The following PROX1 variants were observed in gnomAD, a reference collection of about 807,000 sequenced individuals.
The protein encoded by PROX1 is prospero homeobox 1.
A neutral mutation model predicts 58.8 loss-of-function variants in PROX1; 7 were observed. The ratio of observed to expected loss-of-function variants is 0.12; its 90% confidence interval spans 0.07 to 0.22. The LOEUF (loss-of-function observed/expected upper bound fraction) is 0.22, where lower values mean the gene tolerates loss of function less well. Ranked by LOEUF, PROX1 falls within the 10% of genes least tolerant of loss-of-function variation. PROX1 has a pLI of 1.00. For missense variants in PROX1, 675 were observed against 927.8 expected, an observed-to-expected ratio of 0.73 and a Z score of 3.54; for synonymous variants, 350 against 358.3, an observed-to-expected ratio of 0.98 and a Z score of 0.26.
chr1:214,029,015 T>A (rs771854464), intron 4 of PROX1: 20 of 152,244 alleles, frequency 1.3e-4, no homozygotes, highest in Non-Finnish European at 1.8e-4. Context: ...TCTGAGTTTA[T>A]CCATTTAAGT....
intron 2 of PROX1, among the ~76,000 whole-genome samples, chr1:214,004,946 G>A (rs1018741736): frequency 1.3e-5 from 2 of 152,176 alleles, no homozygotes; most frequent in Non-Finnish European, 2.9e-5. Flanking sequence ...ACTCAATTGT[G>A]CATCCTCACC....
intron 4 of PROX1, among the ~76,000 whole-genome samples, chr1:214,032,645 A>G (rs1286558769): frequency 6.6e-6 from 1 of 152,170 alleles, no homozygotes; most frequent in Non-Finnish European, 1.5e-5. Flanking sequence ...TAAAGTATTA[A>G]GTAACTGCCA....
chr1:213,990,170 A>G (rs1662976418), intron 1 of PROX1, among the ~76,000 whole-genome samples: 1 of 151,156 alleles, frequency 6.6e-6, no homozygotes, highest in African/African-American at 2.4e-5. Flanking sequence ...GAAAAAAAAA[A>G]GAACTCATTT....
At chr1:214,018,028 G>A (rs1664154879) in intron 4 of PROX1, among the ~76,000 whole-genome samples, 1 of 152,168 alleles carries the variant, frequency 6.6e-6, no homozygotes, top group African/African-American at 2.4e-5. Flanking sequence ...ATTGTGTTCA[G>A]CCCATCCTGG....
chr1:214,009,739 T>C (rs1235367972), intron 3 of PROX1, among the ~76,000 whole-genome samples: 1 of 152,138 alleles, frequency 6.6e-6, no homozygotes, highest in Non-Finnish European at 1.5e-5. Context: ...AGAAAAAAAA[T>C]ACCCTTCTAT....
chr1:214,006,049 AGATTGGGTTTT>A (rs1663697392), intron 3 of PROX1, among the ~76,000 whole-genome samples: 1 of 152,158 alleles, frequency 6.6e-6, no homozygotes, highest in African/African-American at 2.4e-5. Context: ...TTTAAAACAT[AGATTGGGTTTT>A]GATGATGATA....
chr1:214,028,677 A>G (rs1200556879), intron 4 of PROX1, among the ~76,000 whole-genome samples: 2 of 152,150 alleles, frequency 1.3e-5, no homozygotes, highest in East Asian at 3.9e-4. Context: ...AAGTGCATTC[A>G]TGTTTTCTTT....
intron 4 of PROX1, chr1:214,029,960 C>T (rs889354653): frequency 3.9e-5 from 6 of 152,668 alleles, no homozygotes; most frequent in East Asian, 1.9e-4. Flanking sequence ...CTACAATACC[C>T]GTAACAAAAG....
At chr1:214,008,057 T>G (rs1571818087) in intron 3 of PROX1, among the ~76,000 whole-genome samples, 1 of 27,638 alleles carries the variant, frequency 3.6e-5, no homozygotes, top group African/African-American at 1.5e-4. Flanking sequence ...TTTTATTCAA[T>G]TTTTTTTTTT....
intron 4 of PROX1, chr1:214,030,395 T>A (rs1037987496): frequency 6.6e-6 from 1 of 152,042 alleles, no homozygotes; most frequent in Non-Finnish European, 1.5e-5. Context: ...TGTAATCTAT[T>A]GATAGGCTTG....
chr1:214,037,599 T>C lies in PROX1; in HGVS notation c.*1765T>C, dbSNP rs1664869748. The C allele has an allele frequency of 6.6e-6, 1 of 152,198 alleles. No homozygotes were observed. Among genetic ancestry groups the C allele is most frequent in the Admixed American group, 6.5e-5 (1 of 15,276 alleles). The allele number at this position is 152,198 out of a possible 1,614,324, so 9.4% of individuals were successfully genotyped here. ...TAAATGGTGCAGTCCTATGATGCCC[T>C]GCACCATCCAGGGGACTAACAGGGC... On this transcript the variant is annotated 3_prime_UTR_variant, in exon 5 of 5. Coordinates refer to ENST00000366958, the MANE Select transcript of PROX1 (RefSeq NM_001270616.2).
intron 4 of PROX1, among the ~76,000 whole-genome samples, chr1:214,018,063 C>T (rs1022949516): frequency 3.3e-5 from 5 of 152,210 alleles, no homozygotes; most frequent in Non-Finnish European, 7.3e-5. Context: ...GAAGTTCTAA[C>T]AACCTTTTGA....
chr1:213,996,717 A>T lies in PROX1; in HGVS notation c.182A>T (p.His61Leu). ...GATGTTGAGTATTCAGTGGTGCAGCATGCAGATGGGGAAAAGTCAAATGTA... is the reference window on the plus strand; with the variant it reads ...GATGTTGAGTATTCAGTGGTGCAGCTTGCAGATGGGGAAAAGTCAAATGTA... ...EQDVEYSVVQ[H>L]ADGEKSNVLR... The change falls in exon 2 of 5, where the codon CAT becomes CTT. Residue 61 changes from histidine (H) to leucine (L), a missense_variant. Around this residue, in one of 8 missense-constraint regions of PROX1, gnomAD observed 157 missense variants for 197.8 expected, o/e 0.79. Transcript: ENST00000366958. 6.2e-7 allele frequency: 1 copy of T among 1,614,238 alleles called. No individual in the cohort carries two copies. The highest frequency in any genetic ancestry group is 8.5e-7 in the Non-Finnish European group (1 of 1,180,044).
At chr1:213,995,463 GTTT>G (rs58470774) in intron 1 of PROX1, among the ~76,000 whole-genome samples, 3 of 145,654 alleles carry the variant, frequency 2.1e-5, no homozygotes, top group East Asian at 2.0e-4. Flanking sequence ...AGTTTTTTCT[GTTT>G]TTTTTTTTCC....
chr1:213,996,223 A>G (rs920000563), intron 1 of PROX1, among the ~76,000 whole-genome samples: 7 of 152,132 alleles, frequency 4.6e-5, no homozygotes, highest in Non-Finnish European at 1.0e-4. Context: ...GTGAGAGAGA[A>G]TCATATTACT....
In PROX1 at chr1:214,041,362, T is replaced by G. The variant is rs1171046937; in HGVS notation, c.*5528T>G. The G allele has an allele frequency of 1.3e-5, 2 of 152,164 alleles. No homozygotes were observed. Among genetic ancestry groups the G allele is most frequent in the Non-Finnish European group, 2.9e-5 (2 of 67,998 alleles). 9.4% of individuals were successfully genotyped at this position (152,164 alleles called of 1,614,324 possible). A position where few individuals can be genotyped will look rare whatever the true frequency, so the allele number is the denominator to read the frequency against. Reference sequence around the variant, plus strand: ...AGTAATGTCAAGTATGGAGATTTTCTTTCACTACAATTCTTCATTCTGTTA... The same window carrying G: ...AGTAATGTCAAGTATGGAGATTTTCGTTCACTACAATTCTTCATTCTGTTA... On this transcript the variant is annotated 3_prime_UTR_variant, in exon 5 of 5. Coordinates refer to ENST00000366958, the MANE Select transcript of PROX1 (RefSeq NM_001270616.2).
intron 3 of PROX1, among the ~76,000 whole-genome samples, chr1:214,009,938 C>T (rs1663850313): frequency 6.6e-6 from 1 of 152,090 alleles, no homozygotes; most frequent in South Asian, 2.1e-4. Context: ...TAGTCCTTAT[C>T]TCAGTGTCTG....
chr1:214,038,192 C>T lies in PROX1; in HGVS notation c.*2358C>T, dbSNP rs1664891716. The T allele has an allele frequency of 6.6e-6, 1 of 152,144 alleles. No homozygotes were observed. Among genetic ancestry groups the T allele is most frequent in the Non-Finnish European group, 1.5e-5 (1 of 68,034 alleles). 9.4% of individuals were successfully genotyped at this position (152,144 alleles called of 1,614,324 possible). A position where few individuals can be genotyped will look rare whatever the true frequency, so the allele number is the denominator to read the frequency against. The stretch of plus-strand genomic sequence containing the variant: ...CCCTTATCTACTGATAATATCCTCT[C>T]AATGTTCACTGAGGCATAGAAATTA... On this transcript the variant is annotated 3_prime_UTR_variant, in exon 5 of 5. Coordinates refer to ENST00000366958, the MANE Select transcript of PROX1 (RefSeq NM_001270616.2).
chr1:214,038,126 CAAATT>C lies in PROX1; in HGVS notation c.*2295_*2299del, dbSNP rs1226634911. 6 of 152,214 alleles carry C rather than the reference CAAATT, an allele frequency of 3.9e-5. No individual in the cohort carries two copies. In the East Asian group the frequency reaches 1.2e-3, roughly 29 times the overall value. 9.4% of individuals were successfully genotyped at this position (152,214 alleles called of 1,614,324 possible). ...CCCCTCCCTTTCTAATTTAAATAGACAAATTAAGCAAAAGTGTGTGTTCACAACCA... is the reference window on the plus strand; with the variant it reads ...CCCCTCCCTTTCTAATTTAAATAGACAAGCAAAAGTGTGTGTTCACAACCA... On this transcript the variant is annotated 3_prime_UTR_variant, in exon 5 of 5. Transcript: ENST00000366958.
Sources: allele counts gnomAD v4.1 joint callset (sites outside exome capture counted in the v4.1 genomes callset), GRCh38; gene constraint gnomAD v4.1.1; regional missense constraint gnomAD v4.1.1; transcripts MANE v1.5; gene names NCBI Gene and HGNC (gene_info 2026-07-23, HGNC 2026-07-21).